NHEJ1: variants seen among roughly 807,000 people sequenced by gnomAD.
NHEJ1 encodes non-homologous end-joining factor 1.
Under a neutral mutation model 39.4 loss-of-function variants are expected in NHEJ1, and 22 were observed. The ratio of observed to expected loss-of-function variants is 0.56; its 90% CI spans 0.40 to 0.80. NHEJ1 has a LOEUF of 0.80. Among genes scored for constraint, NHEJ1 ranks in the 30% least tolerant of loss-of-function variants. NHEJ1 has a pLI of 0.00. For missense variants in NHEJ1, 329 were observed against 357.1 expected, an observed-to-expected ratio of 0.92 and a Z score of 0.63; for synonymous variants, 154 against 135.6, an observed-to-expected ratio of 1.14 and a Z score of -0.94.
intron 3 of NHEJ1, among the ~76,000 whole-genome samples, chr2:219,148,242 G>A (rs1949761466): frequency 6.6e-6 from 1 of 152,298 alleles, no homozygotes; most frequent in Non-Finnish European, 1.5e-5. Context: ...CTGGGTGACA[G>A]AGTGAGACTC....
In NHEJ1 at chr2:219,070,998, G is replaced by A. The variant is rs59222290; in HGVS notation, c.*5383C>T. On this transcript the variant is annotated 3_prime_UTR_variant, in exon 8 of 8. Transcript: ENST00000356853. ...CGTGACAGGACGCCCTGAAATCCCC[G>A]CTAGGCAACAATGCTAAATGAAACT... 1.3e-4 allele frequency among the ~76,000 whole-genome samples: 20 copies of A among 152,062 alleles called. No individual in the cohort carries two copies. Among genetic ancestry groups the A allele is most frequent in the African/African-American group, 4.3e-4 (18 of 41,396 alleles).
chr2:219,118,285 T>C (rs1375370931), intron 5 of NHEJ1, among the ~76,000 whole-genome samples: 1 of 152,200 alleles, frequency 6.6e-6, no homozygotes, highest in Non-Finnish European at 1.5e-5. Flanking sequence ...TTCATTCTTT[T>C]CACGAAATGT....
At chr2:219,107,759 A>G (rs1949327090) in intron 5 of NHEJ1, among the ~76,000 whole-genome samples, 1 of 152,086 alleles carries the variant, frequency 6.6e-6, no homozygotes, top group African/African-American at 2.4e-5. Context: ...AAGGGCCACA[A>G]TTCTCACTCC....
In NHEJ1 at chr2:219,074,700, C is replaced by T. The variant is rs577900351; in HGVS notation, c.*1681G>A. 1.6e-4 allele frequency among the ~76,000 whole-genome samples: 24 copies of T among 150,174 alleles called. No homozygotes were observed. Among genetic ancestry groups the T allele is most frequent in the African/African-American group, 5.2e-4 (21 of 40,674 alleles). On this transcript the variant is annotated 3_prime_UTR_variant, in exon 8 of 8. Transcript: ENST00000356853. ...GAGTTTGCAGTGAGCCAAAATTGTG[C>T]GATTGTACTCCAGCCTAGGCAACAA...
chr2:219,117,048 A>G (rs1949422553), intron 5 of NHEJ1, among the ~76,000 whole-genome samples: 1 of 152,068 alleles, frequency 6.6e-6, no homozygotes, highest in African/African-American at 2.4e-5. Flanking sequence ...GCTCCATCCA[A>G]CACAAAGTTA....
intron 3 of NHEJ1, among the ~76,000 whole-genome samples, chr2:219,151,127 CAAAAAAAAAAA>C (rs59576120): frequency 3.6e-5 from 2 of 56,008 alleles, no homozygotes; most frequent in African/African-American, 1.4e-4. Flanking sequence ...GACCTTATCT[CAAAAAAAAAAA>C]AAAAAAAAAA....
At chr2:219,077,163 A>C in intron 7 of NHEJ1, 83 bp downstream of exon 7, 2 of 995,532 alleles carry the variant, frequency 2.0e-6, no homozygotes, top group Non-Finnish European at 3.2e-6. Context: ...GTGCCAATGA[A>C]GCAGCAATTC....
At chr2:219,153,713 A>G (rs1949822019) in intron 3 of NHEJ1, among the ~76,000 whole-genome samples, 9 of 145,456 alleles carry the variant, frequency 6.2e-5, no homozygotes, top group Non-Finnish European at 1.1e-4. Context: ...GTGGAGAGAG[A>G]GAGAGAGAGC....
In NHEJ1 at chr2:219,096,138, C is replaced by T. The variant is rs574086554; in HGVS notation, c.589-17932G>A. On this transcript the variant is annotated intron_variant, in intron 5 of 7. Coordinates refer to ENST00000356853, the MANE Select transcript of NHEJ1 (RefSeq NM_024782.3). ...GCAGGAGGAAAGTGAGAGGACCTAT[C>T]TCTTGCTATTTACGTATTTTTTAAT... Among the ~76,000 whole-genome samples, 8 of 152,342 alleles carry T rather than the reference C, an allele frequency of 5.3e-5. No homozygotes were observed. The South Asian group carries it at 1.7e-3, about 32-fold the overall frequency.
intron 1 of NHEJ1, among the ~76,000 whole-genome samples, chr2:219,159,540 TATATATATATGCATATATATATGC>T (rs1189356786): frequency 1.5e-4 from 5 of 33,040 alleles, no homozygotes; most frequent in East Asian, 1.6e-3. Context: ...TATATATGCA[TATATATATATGCATATATATATGC>T]ATATATATAT....
intron 3 of NHEJ1, among the ~76,000 whole-genome samples, chr2:219,152,993 G>C (rs1949812528): frequency 6.6e-6 from 1 of 151,870 alleles, no homozygotes; most frequent in African/African-American, 2.4e-5. Flanking sequence ...AGTAGAGATA[G>C]GGTTTCGCTA....
At chr2:219,120,669 T>C (rs1272331903) in intron 5 of NHEJ1, among the ~76,000 whole-genome samples, 1 of 152,182 alleles carries the variant, frequency 6.6e-6, no homozygotes, top group Non-Finnish European at 1.5e-5. Context: ...GATTGCTAGC[T>C]TAAATTATAT....
At chr2:219,115,419 T>C (rs1273437470) in intron 5 of NHEJ1, among the ~76,000 whole-genome samples, 4 of 152,116 alleles carry the variant, frequency 2.6e-5, no homozygotes, top group Non-Finnish European at 4.4e-5. Context: ...GGATAATTTA[T>C]GGTGAGAGAC....
intron 3 of NHEJ1, among the ~76,000 whole-genome samples, chr2:219,148,481 C>A (rs1949763806): frequency 6.6e-6 from 1 of 152,132 alleles, no homozygotes; most frequent in Non-Finnish European, 1.5e-5. Context: ...ATCACTTGAG[C>A]CAAGGAGGTC....
intron 5 of NHEJ1, among the ~76,000 whole-genome samples, chr2:219,141,031 G>A (rs1172611302): frequency 6.6e-6 from 1 of 152,108 alleles, no homozygotes; most frequent in African/African-American, 2.4e-5. Flanking sequence ...AACTGCAGGG[G>A]AATAAGAACT....
At position 219,095,473 on chromosome 2, in the gene NHEJ1, C is replaced by A. The variant is rs1949199719; in HGVS notation, c.589-17267G>T. 5.5e-6 allele frequency: 2 copies of A among 361,708 alleles called. 1 individual carries two copies. Among genetic ancestry groups the A allele is most frequent in the Admixed American group, 6.2e-5 (2 of 32,202 alleles). The allele number at this position is 361,708 out of a possible 1,614,324, so 22.4% of individuals were successfully genotyped here. On this transcript the variant is annotated intron_variant, in intron 5 of 7. Transcript: ENST00000356853. ...TACAATGCTTTAAACCTAATGGTCA[C>A]TTAATAGCTGTCTCCTTCCCATATC...
At chr2:219,152,785 TTATTTTTATTTATTTA>T (rs1320746246) in intron 3 of NHEJ1, among the ~76,000 whole-genome samples, 6 of 139,998 alleles carry the variant, frequency 4.3e-5, no homozygotes, top group Non-Finnish European at 6.1e-5. Flanking sequence ...ATTTATTTAT[TTATTTTTATTTATTTA>T]TTTATTTATT....
chr2:219,101,041 T>C (rs1033863689), intron 5 of NHEJ1, among the ~76,000 whole-genome samples: 4 of 152,246 alleles, frequency 2.6e-5, no homozygotes, highest in Admixed American at 6.5e-5. Context: ...CCAAATGGGA[T>C]CACATTACAT....
At chr2:219,101,411 G>A (rs1220807678) in intron 5 of NHEJ1, among the ~76,000 whole-genome samples, 2 of 151,314 alleles carry the variant, frequency 1.3e-5, no homozygotes, top group Non-Finnish European at 3.0e-5. Flanking sequence ...CACCGCGCCC[G>A]GCCTATTTAT....
Sources: gnomAD v4.1 joint callset for allele counts (sites outside exome capture counted in the v4.1 genomes callset) on GRCh38, gnomAD v4.1.1 for gene constraint, MANE v1.5 for transcripts, NCBI Gene and HGNC (gene_info 2026-07-23, HGNC 2026-07-21) for gene names.